Variants in NFASC observed in about 807,000 individuals in gnomAD.
The protein encoded by NFASC is neurofascin, also known as neurofascin homolog.
Under a neutral mutation model 147.5 loss-of-function variants are expected in NFASC, and 43 were observed. The observed-to-expected ratio is 0.29, with a 90% CI of 0.23 to 0.38. The LOEUF (loss-of-function observed/expected upper bound fraction) is 0.38, where lower values mean the gene tolerates loss of function less well. Ranked by LOEUF, NFASC falls within the 10% of genes least tolerant of loss-of-function variation. The pLI is 1.00. For synonymous variants in NFASC, 622 were observed against 665.5 expected, an observed-to-expected ratio of 0.93 and a Z score of 1.01; for missense variants, 1,320 against 1,689.0, an observed-to-expected ratio of 0.78 and a Z score of 3.83.
At chr1:204,959,804 G>C (rs1392806663) in intron 8 of NFASC, among the ~76,000 whole-genome samples, 1 of 152,254 alleles carries the variant, frequency 6.6e-6, no homozygotes, top group African/African-American at 2.4e-5. Flanking sequence ...TGCAGTTAGA[G>C]ATTTAAACAA....
At chr1:204,864,603 T>G (rs1025327000) in intron 1 of NFASC, among the ~76,000 whole-genome samples, 1 of 152,250 alleles carries the variant, frequency 6.6e-6, no homozygotes, top group African/African-American at 2.4e-5. Context: ...CTCATTGTTT[T>G]GATTTGCATT....
chr1:204,982,739 G>A (rs759714721), intron 21 of NFASC, among the ~76,000 whole-genome samples: 10 of 152,332 alleles, frequency 6.6e-5, no homozygotes, highest in Admixed American at 2.0e-4. Context: ...CAGGGGTGTC[G>A]GGGAGTCCCC....
intron 10 of NFASC, 123 bp downstream of exon 10, chr1:204,969,105 G>A (rs2095107104): frequency 1.9e-5 from 16 of 838,574 alleles, no homozygotes; most frequent in Non-Finnish European, 3.0e-5. Context: ...CTGCTCAGTG[G>A]CAATGGCGAT....
chr1:204,953,886 G>T (rs889236758), intron 5 of NFASC, among the ~76,000 whole-genome samples: 1 of 152,130 alleles, frequency 6.6e-6, no homozygotes, highest in Admixed American at 6.6e-5. Context: ...CATAACCCCC[G>T]AGTAGCTACT....
At chr1:204,952,137 G>C in intron 5 of NFASC, 21 bp downstream of exon 5, 1 of 1,577,184 alleles carries the variant, frequency 6.3e-7, no homozygotes, top group South Asian at 1.1e-5. Flanking sequence ...GGGAAAAAGA[G>C]TGCATTGAAA....
chr1:204,993,091 G>A (rs779994476), intron 24 of NFASC, among the ~76,000 whole-genome samples: 1 of 152,142 alleles, frequency 6.6e-6, no homozygotes, highest in East Asian at 1.9e-4. Context: ...GCCAAGCAAC[G>A]AAACTCGGGT....
chr1:204,843,224 T>C (rs1400990148), intron 1 of NFASC, among the ~76,000 whole-genome samples: 1 of 152,168 alleles, frequency 6.6e-6, no homozygotes, highest in Non-Finnish European at 1.5e-5. Context: ...CAGACCAATA[T>C]AGGCCAAGGA....
rs1269949447 is a variant in NFASC, at chr1:204,857,906, CCTT to C, written c.-200+29137_-200+29139del. Among the ~76,000 whole-genome samples, 458 of 142,614 alleles carry C rather than the reference CCTT, an allele frequency of 3.2e-3. 5 individuals are homozygous for C. The highest frequency in any genetic ancestry group is 7.2e-3 in the Middle Eastern group (2 of 276). The allele number at this position is 142,614 out of a possible 152,430, so 93.6% of individuals were successfully genotyped here. A position where few individuals can be genotyped will look rare whatever the true frequency, so the allele number is the denominator to read the frequency against. On this transcript the variant is annotated intron_variant, in intron 1 of 29. Transcript: ENST00000339876. ...TCTGCAAATGTCTGTGTCCTAGTCT[CCTT>C]CTTCTTCTTCTTTTTTTTTTTTTTT... is the stretch of plus-strand genomic sequence containing the variant.
At chr1:204,970,835 C>G (rs1311700480) in intron 11 of NFASC, 88 bp downstream of exon 11, 2 of 1,529,280 alleles carry the variant, frequency 1.3e-6, no homozygotes, top group Non-Finnish European at 1.8e-6. Context: ...GTGCTGGTCA[C>G]ACTAGAAGTT....
intron 24 of NFASC, among the ~76,000 whole-genome samples, chr1:204,993,052 C>T (rs143311258): frequency 1.3e-4 from 20 of 152,280 alleles, no homozygotes; most frequent in Non-Finnish European, 2.8e-4. Flanking sequence ...GCTTTAAATG[C>T]GTAAGAACCT....
At chr1:204,884,548 A>G (rs912813157) in intron 1 of NFASC, among the ~76,000 whole-genome samples, 1 of 152,094 alleles carries the variant, frequency 6.6e-6, no homozygotes, top group Non-Finnish European at 1.5e-5. Context: ...CTGGATGTTA[A>G]GACCTCTGCT....
intron 25 of NFASC, chr1:205,000,684 G>A (rs917939561): frequency 2.2e-5 from 4 of 179,468 alleles, no homozygotes; most frequent in Non-Finnish European, 4.8e-5. Context: ...AAAATTTGCC[G>A]GGCATGGTGG....
intron 2 of NFASC, among the ~76,000 whole-genome samples, chr1:204,943,496 G>T (rs1000100190): frequency 6.6e-6 from 1 of 152,160 alleles, no homozygotes; most frequent in Non-Finnish European, 1.5e-5. Flanking sequence ...TCTCACCACT[G>T]CCGTTATCTA....
chr1:204,992,908 A>C (rs899084978), intron 24 of NFASC, among the ~76,000 whole-genome samples: 5 of 152,200 alleles, frequency 3.3e-5, no homozygotes, highest in Non-Finnish European at 7.3e-5. Context: ...TTTAGAAAAG[A>C]TCTACACTCA....
intron 3 of NFASC, chr1:204,948,522 G>T (rs1327995236): frequency 2.0e-6 from 1 of 503,218 alleles, no homozygotes; most frequent in Non-Finnish European, 4.0e-6. Flanking sequence ...GTCAAGGAGA[G>T]CAGAGTCCTG....
intron 24 of NFASC, chr1:204,993,624 C>A: frequency 2.8e-6 from 1 of 360,752 alleles, no homozygotes; most frequent in Non-Finnish European, 5.9e-6. Context: ...AGCCGAAGCC[C>A]ACTCAGGATC....
In NFASC at chr1:204,859,154, T is replaced by A. The variant is rs146347942; in HGVS notation, c.-200+30372T>A. On this transcript the variant is annotated intron_variant, in intron 1 of 29. Coordinates refer to ENST00000339876, the MANE Select transcript of NFASC (RefSeq NM_001005388.3). Reference sequence around the variant, plus strand: ...CAACACGCCTGGCTAATTTTTATAATCTTAGTAGAGACGGGGTTTCGCCAT... The same window carrying A: ...CAACACGCCTGGCTAATTTTTATAAACTTAGTAGAGACGGGGTTTCGCCAT... Among the ~76,000 whole-genome samples the A allele has an allele frequency of 3.5e-3, 532 of 152,218 alleles. 5 individuals are homozygous for A. The highest frequency in any genetic ancestry group is 0.012 in the African/African-American group (510 of 41,524).
chr1:204,993,732 T>C (rs759305863), intron 24 of NFASC: 1 of 515,290 alleles, frequency 1.9e-6, no homozygotes, highest in East Asian at 5.5e-5. Flanking sequence ...AACCTGTAGC[T>C]CCTATTGCGG....
At chr1:204,988,392 G>T (rs1182703318) in intron 22 of NFASC, among the ~76,000 whole-genome samples, 3 of 152,214 alleles carry the variant, frequency 2.0e-5, no homozygotes, top group Non-Finnish European at 2.9e-5. Context: ...ACATAACTCT[G>T]CAGTGAGCTA....
Sources: gnomAD v4.1 joint callset for allele counts (sites outside exome capture counted in the v4.1 genomes callset) on GRCh38, gnomAD v4.1.1 for gene constraint, MANE v1.5 for transcripts, NCBI Gene and HGNC (gene_info 2026-07-23, HGNC 2026-07-21) for gene names.